IL10RB: variants seen among roughly 807,000 people sequenced by gnomAD.
IL10RB encodes interleukin 10 receptor subunit beta, also known as interleukin-10 receptor subunit beta.
A neutral mutation model predicts 38.7 loss-of-function variants in IL10RB; 30 were observed. The ratio of observed to expected loss-of-function variants is 0.78; its 90% CI spans 0.58 to 1.05. The LOEUF is 1.05. Among genes scored for constraint, IL10RB ranks in the 50% least tolerant of loss-of-function variants. The pLI is 0.00. For synonymous variants in IL10RB, 142 were observed against 145.9 expected (o/e 0.97, Z 0.19); for missense variants, 328 against 397.1 (o/e 0.83, Z 1.48).
chr21:33,298,342 G>A (rs2082976023), downstream of IL10RB, among the ~76,000 whole-genome samples: 1 of 152,262 alleles, frequency 6.6e-6, no homozygotes, highest in African/African-American at 2.4e-5. Context: ...GGCCGGGTGT[G>A]GTGGCTCACA....
chr21:33,278,415 T>C (rs567938253), intron 3 of IL10RB, among the ~76,000 whole-genome samples: 5 of 152,316 alleles, frequency 3.3e-5, no homozygotes, highest in African/African-American at 9.6e-5. Context: ...TTAGATTATA[T>C]TTTCTAATGG....
chr21:33,289,400 G>A (rs1442062510), intron 6 of IL10RB, among the ~76,000 whole-genome samples: 1 of 151,000 alleles, frequency 6.6e-6, no homozygotes, highest in African/African-American at 2.4e-5. Context: ...TGCTGGTGTC[G>A]GGACCACAAA....
At position 33,279,900 on chromosome 21, in the gene IL10RB, A is replaced by G; in HGVS notation, c.480A>G (p.Lys160=). 1 of 1,613,920 alleles carries G rather than the reference A, an allele frequency of 6.2e-7. No individual in the cohort carries two copies. The highest frequency in any genetic ancestry group is 8.5e-7 in the Non-Finnish European group (1 of 1,179,808). The part of the protein sequence containing the change: ...NSWTYNVQYW[K]NGTDEKFQIT... ...GGACTTATAATGTGCAATACTGGAA[A>G]AACGGTACTGATGAAAAGGTAAGGT... The change falls in exon 4 of 7, where the codon AAA becomes AAG. Residue 160 remains lysine (K), a synonymous_variant. Coordinates refer to ENST00000290200, the MANE Select transcript of IL10RB (RefSeq NM_000628.5).
At chr21:33,284,348 G>A (rs2850001) in intron 5 of IL10RB, among the ~76,000 whole-genome samples, 56,157 of 149,948 alleles carry the variant, frequency 0.37, 11,314 homozygotes, top group Non-Finnish European at 0.45. Flanking sequence ...GCAAATACCA[G>A]TAATCACCCA....
intron 1 of IL10RB, among the ~76,000 whole-genome samples, chr21:33,267,162 C>T (rs1988970087): frequency 6.6e-6 from 1 of 152,182 alleles, no homozygotes; most frequent in South Asian, 2.1e-4. Flanking sequence ...TCCTTCCTTT[C>T]TCATGAACTC....
chr21:33,294,493 A>G (rs1395830050), intron 6 of IL10RB, among the ~76,000 whole-genome samples: 2 of 151,986 alleles, frequency 1.3e-5, no homozygotes, highest in East Asian at 1.9e-4. Flanking sequence ...ATCCCAGGAA[A>G]ATCCAGAGTA....
intron 5 of IL10RB, among the ~76,000 whole-genome samples, chr21:33,286,131 C>T (rs910141729): frequency 2.0e-5 from 3 of 152,138 alleles, no homozygotes; most frequent in African/African-American, 7.2e-5. Flanking sequence ...TCCTTCCAGC[C>T]GCTTCCCTCA....
At chr21:33,283,964 G>A (rs1601833541) in intron 5 of IL10RB, among the ~76,000 whole-genome samples, 1 of 152,174 alleles carries the variant, frequency 6.6e-6, no homozygotes, top group African/African-American at 2.4e-5. Context: ...ACAATGGAAG[G>A]ATGAAACATG....
intron 5 of IL10RB, among the ~76,000 whole-genome samples, chr21:33,284,021 C>T (rs1344910880): frequency 5.3e-5 from 8 of 152,174 alleles, no homozygotes; most frequent in African/African-American, 1.7e-4. Context: ...GTCTGCCGGA[C>T]GTGGTGGCTC....
At chr21:33,304,327 A>G (rs1245269754) in intron 1 of IL10RB, among the ~76,000 whole-genome samples, 1 of 152,216 alleles carries the variant, frequency 6.6e-6, no homozygotes, top group Non-Finnish European at 1.5e-5. Context: ...GATTGACACT[A>G]AGCCCAGTTG....
chr21:33,280,744 A>G (rs1568906819), intron 4 of IL10RB, among the ~76,000 whole-genome samples: 1 of 152,302 alleles, frequency 6.6e-6, no homozygotes, highest in Non-Finnish European at 1.5e-5. Context: ...TATCCCTTCC[A>G]CATTAAATGT....
At chr21:33,276,509 GCCC>G in intron 2 of IL10RB, 84 bp from the exon 3 acceptor site, 2 of 1,025,958 alleles carry the variant, frequency 1.9e-6, no homozygotes, top group Non-Finnish European at 3.1e-6. Context: ...CTCCCGCGCC[GCCC>G]CCCCCTCCAA....
At chr21:33,287,437 C>T (rs1989395611) in intron 5 of IL10RB, among the ~76,000 whole-genome samples, 1 of 152,068 alleles carries the variant, frequency 6.6e-6, no homozygotes, top group Non-Finnish European at 1.5e-5. Context: ...CTCACTATCA[C>T]AGCCTCGACC....
chr21:33,268,803 T>G (rs1341733972), intron 2 of IL10RB, among the ~76,000 whole-genome samples: 3 of 152,210 alleles, frequency 2.0e-5, no homozygotes, highest in African/African-American at 7.2e-5. Context: ...TCAGCCATAG[T>G]GGTAACCTCA....
rs531230131 is a variant in IL10RB at position 33,268,815 on chromosome 21, G to T, written c.173+298G>T. On this transcript the variant is annotated intron_variant, in intron 2 of 6. Transcript: ENST00000290200. ...TAATCAGCCATAGTGGTAACCTCAT[G>T]CTGTGCCCATCCCAGCTTGTTTGTC... is the stretch of plus-strand genomic sequence containing the variant. Among the ~76,000 whole-genome samples the T allele has an allele frequency of 1.4e-4, 21 of 152,300 alleles. No homozygotes were observed. The South Asian group carries it at 4.3e-3, about 32-fold the overall frequency.
intron 1 of IL10RB, among the ~76,000 whole-genome samples, chr21:33,303,916 G>A (rs923551565): frequency 1.3e-5 from 2 of 152,226 alleles, no homozygotes; most frequent in African/African-American, 2.4e-5. Context: ...TATGTTCCTG[G>A]CAAAGTATAG....
intron 6 of IL10RB, among the ~76,000 whole-genome samples, chr21:33,290,334 G>GT (rs1383703630): frequency 1.3e-5 from 2 of 152,026 alleles, no homozygotes; most frequent in Non-Finnish European, 2.9e-5. Flanking sequence ...TTGAGGTTCT[G>GT]TTGGCAAGAA....
intron 4 of IL10RB, among the ~76,000 whole-genome samples, chr21:33,282,298 C>A (rs546643168): frequency 2.6e-5 from 4 of 152,152 alleles, no homozygotes; most frequent in Admixed American, 2.0e-4. Flanking sequence ...TTTGAGAGGC[C>A]AAGGTGGGCA....
At chr21:33,300,528 A>G (rs932841088), downstream of IL10RB, among the ~76,000 whole-genome samples, 1 of 152,230 alleles carries the variant, frequency 6.6e-6, no homozygotes, top group African/African-American at 2.4e-5. Context: ...TAAGTTAACA[A>G]ATCACCATAA....
Sources: gnomAD v4.1 joint callset for allele counts (sites outside exome capture counted in the v4.1 genomes callset) on GRCh38, gnomAD v4.1.1 for gene constraint, MANE v1.5 for transcripts, NCBI Gene and HGNC (gene_info 2026-07-23, HGNC 2026-07-21) for gene names.